SLC4A7: variants seen among roughly 807,000 people sequenced by gnomAD.
SLC4A7 encodes sodium bicarbonate cotransporter 3.
In SLC4A7, 51 loss-of-function variants were observed where a neutral mutation model predicts 137.6. That is an observed-to-expected ratio of 0.37 (90% CI 0.30 to 0.47). SLC4A7 has a LOEUF of 0.47. SLC4A7 is among the 20% of genes least tolerant of loss of function. The pLI, the probability that SLC4A7 is intolerant of heterozygous loss-of-function variation, is 1.00. For synonymous variants in SLC4A7, 542 were observed against 518.6 expected, an observed-to-expected ratio of 1.05 and a Z score of -0.61; for missense variants, 1,247 against 1,525.4, an observed-to-expected ratio of 0.82 and a Z score of 3.04.
At chr3:27,398,446 T>G in intron 16 of SLC4A7, 93 bp from the exon 17 acceptor site, 2 of 1,075,310 alleles carry the variant, frequency 1.9e-6, no homozygotes, top group Non-Finnish European at 1.3e-6. Context: ...ATGCAACTGA[T>G]TGTAAGAGGC....
At chr3:27,478,432 C>T (rs571360727) in intron 1 of SLC4A7, among the ~76,000 whole-genome samples, 17 of 149,356 alleles carry the variant, frequency 1.1e-4, no homozygotes, top group Non-Finnish European at 2.2e-4. Flanking sequence ...GCAGGAGAAT[C>T]GCTTGAACCC....
chr3:27,473,702 T>C (rs1576668265), intron 1 of SLC4A7, among the ~76,000 whole-genome samples: 1 of 83,774 alleles, frequency 1.2e-5, no homozygotes, highest in East Asian at 4.4e-4. Flanking sequence ...TGAGACCTCA[T>C]GTCAAAAAAA....
rs1157148639 is a variant in SLC4A7 at position 27,373,874 on chromosome 3, C to G, written c.*2890G>C. 1 of 152,556 alleles carries G rather than the reference C, an allele frequency of 6.6e-6. No individual in the cohort carries two copies. Among genetic ancestry groups the G allele is most frequent in the Admixed American group, 6.5e-5 (1 of 15,274 alleles). The allele number at this position is 152,556 out of a possible 1,614,324, so 9.5% of individuals were successfully genotyped here. A position where few individuals can be genotyped will look rare whatever the true frequency, so the allele number is the denominator to read the frequency against. On this transcript the variant is annotated 3_prime_UTR_variant, in exon 26 of 26. Transcript: ENST00000454389. ...AAATATTTCGTCCTAGACATCTTTACAGAAGACTTGGCAAATATGAACAAT... is the reference window on the plus strand; with the variant it reads ...AAATATTTCGTCCTAGACATCTTTAGAGAAGACTTGGCAAATATGAACAAT...
intron 10 of SLC4A7, among the ~76,000 whole-genome samples, chr3:27,419,702 T>A (rs533787355): frequency 2.0e-5 from 3 of 152,124 alleles, no homozygotes; most frequent in African/African-American, 7.2e-5. Flanking sequence ...AAGGAAATGA[T>A]ACATTCAAAT....
intron 9 of SLC4A7, 108 bp downstream of exon 9, chr3:27,421,514 T>A: frequency 1.1e-6 from 1 of 895,678 alleles, no homozygotes; most frequent in Non-Finnish European, 1.6e-6. Flanking sequence ...TAAAATTAAA[T>A]AAAATAAGCT....
At chr3:27,421,566 A>C in intron 9 of SLC4A7, 56 bp downstream of exon 9, 1 of 1,377,618 alleles carries the variant, frequency 7.3e-7, no homozygotes, top group South Asian at 1.5e-5. Flanking sequence ...CGCTGGATTA[A>C]AAACTTGTAG....
chr3:27,373,937 A>T lies in SLC4A7; in HGVS notation c.*2827T>A, dbSNP rs532305425. ...CTTTTTAAAACAACTTTTAACAGAT[A>T]TAAGATCAGTATCATTCACATTCAC... On this transcript the variant is annotated 3_prime_UTR_variant, in exon 26 of 26. Transcript: ENST00000454389. 6.5e-6 allele frequency: 1 copy of T among 152,686 alleles called. No individual in the cohort carries two copies. The highest frequency in any genetic ancestry group is 1.9e-4 in the East Asian group (1 of 5,190). The allele number at this position is 152,686 out of a possible 1,614,324, so 9.5% of individuals were successfully genotyped here.
intron 1 of SLC4A7, among the ~76,000 whole-genome samples, chr3:27,463,471 T>A (rs2058806531): frequency 6.6e-6 from 1 of 151,432 alleles, no homozygotes; most frequent in South Asian, 2.1e-4. Flanking sequence ...CCGAGCGTGG[T>A]GGCGGTTGCA....
chr3:27,395,373 G>A (rs1408496750), intron 18 of SLC4A7, among the ~76,000 whole-genome samples: 1 of 152,160 alleles, frequency 6.6e-6, no homozygotes, highest in Non-Finnish European at 1.5e-5. Flanking sequence ...AAACCAGGAT[G>A]ACCCTGTGAC....
At chr3:27,388,683 GT>G (rs538602239) in intron 22 of SLC4A7, among the ~76,000 whole-genome samples, 3 of 151,880 alleles carry the variant, frequency 2.0e-5, no homozygotes, top group Non-Finnish European at 2.9e-5. Context: ...ACCTAAGAAT[GT>G]TTTTTTACAG....
chr3:27,382,300 G>C (rs1421613339), intron 24 of SLC4A7, among the ~76,000 whole-genome samples: 1 of 151,840 alleles, frequency 6.6e-6, no homozygotes. Flanking sequence ...ATTTTTAGTA[G>C]AGACAGGTTT....
chr3:27,402,979 G>A (rs1370093475), intron 15 of SLC4A7, among the ~76,000 whole-genome samples, 160 bp downstream of exon 15: 6 of 152,144 alleles, frequency 3.9e-5, no homozygotes, highest in East Asian at 3.9e-4. Flanking sequence ...ATTGAATGCT[G>A]TGACAAAATC....
intron 11 of SLC4A7, among the ~76,000 whole-genome samples, chr3:27,414,351 G>A (rs1352755510): frequency 6.6e-6 from 1 of 152,092 alleles, no homozygotes; most frequent in African/African-American, 2.4e-5. Flanking sequence ...CCATGCAGTT[G>A]AAATTTTGTG....
chr3:27,432,945 G>A (rs962716496), intron 6 of SLC4A7, among the ~76,000 whole-genome samples: 2 of 152,058 alleles, frequency 1.3e-5, no homozygotes, highest in African/African-American at 2.4e-5. Context: ...TCCATAAGAG[G>A]TATTCTTTTA....
intron 22 of SLC4A7, among the ~76,000 whole-genome samples, chr3:27,388,893 C>T (rs1186578196): frequency 8.5e-6 from 1 of 117,654 alleles, no homozygotes; most frequent in African/African-American, 2.6e-5. Flanking sequence ...TGTTTACTAT[C>T]TGGCCCTTTA....
chr3:27,446,414 T>C (rs2057641676), intron 3 of SLC4A7, among the ~76,000 whole-genome samples: 3 of 152,144 alleles, frequency 2.0e-5, no homozygotes, highest in Non-Finnish European at 4.4e-5. Context: ...ATAAATCTTT[T>C]CTAGGAATAG....
At chr3:27,387,935 G>T (rs2051141567) in intron 22 of SLC4A7, among the ~76,000 whole-genome samples, 1 of 152,120 alleles carries the variant, frequency 6.6e-6, no homozygotes. Flanking sequence ...GCCCTTGGAA[G>T]CTAATACAAA....
At chr3:27,411,810 T>C in intron 11 of SLC4A7, 62 bp from the exon 12 acceptor site, 1 of 737,364 alleles carries the variant, frequency 1.4e-6, no homozygotes, top group Non-Finnish European at 2.1e-6. Flanking sequence ...AGATGGCATC[T>C]TCAATTAGAG....
At chr3:27,384,175 CAAACAA>C (rs1241501535) in intron 23 of SLC4A7, among the ~76,000 whole-genome samples, 6 of 151,914 alleles carry the variant, frequency 3.9e-5, no homozygotes, top group East Asian at 1.9e-4. Flanking sequence ...TAAAAACAAA[CAAACAA>C]AAACAAAAAC....
Sources: gnomAD v4.1 joint callset for allele counts (sites outside exome capture counted in the v4.1 genomes callset) on GRCh38, gnomAD v4.1.1 for gene constraint, MANE v1.5 for transcripts, NCBI Gene and HGNC (gene_info 2026-07-23, HGNC 2026-07-21) for gene names.